CFTR: variants seen among roughly 807,000 people sequenced by gnomAD.
CFTR encodes cystic fibrosis transmembrane conductance regulator.
CFTR carries 181 observed loss-of-function variants against 171.6 expected under a neutral mutation model. The observed-to-expected ratio is 1.05, with a 90% CI of 0.93 to 1.19. CFTR has a LOEUF of 1.19. Ranked by LOEUF, CFTR falls within the 50% of genes most tolerant of loss-of-function variation. CFTR has a pLI of 0.00. For missense variants in CFTR, 1,968 were observed against 1,734.7 expected (o/e 1.13, Z -2.39); for synonymous variants, 583 against 608.0 (o/e 0.96, Z 0.60).
At position 117,522,127 on chromosome 7, in the gene CFTR, C is replaced by T. The variant is rs552665226; in HGVS notation, c.274-8772C>T. Among the ~76,000 whole-genome samples, 16 of 152,304 alleles carry T rather than the reference C, an allele frequency of 1.1e-4. No homozygotes were observed. In the East Asian group the frequency reaches 2.9e-3, roughly 28 times the overall value. ...ATTGTTCCCACCAGGAATGCAATCA[C>T]TTGAGCTGTTTTCTAATCTGAGCCC... On this transcript the variant is annotated intron_variant, in intron 3 of 26. Transcript: ENST00000003084.
At chr7:117,592,907 G>T (rs1463773081) in intron 14 of CFTR, among the ~76,000 whole-genome samples, 1 of 152,168 alleles carries the variant, frequency 6.6e-6, no homozygotes, top group Non-Finnish European at 1.5e-5. Flanking sequence ...CCTCTACTAA[G>T]CCAGTGATAA....
chr7:117,609,536 A>C (rs1175420575), intron 18 of CFTR, among the ~76,000 whole-genome samples: 2 of 152,192 alleles, frequency 1.3e-5, no homozygotes, highest in Non-Finnish European at 2.9e-5. Context: ...CCTTTTAAAA[A>C]TGTATGTATT....
intron 9 of CFTR, among the ~76,000 whole-genome samples, chr7:117,543,341 AG>A (rs1181932466): frequency 6.6e-6 from 1 of 152,224 alleles, no homozygotes; most frequent in Non-Finnish European, 1.5e-5. Flanking sequence ...CTTTGATTTT[AG>A]GAATTTCAAG....
At chr7:117,570,198 A>G (rs1791667621) in intron 11 of CFTR, among the ~76,000 whole-genome samples, 1 of 151,866 alleles carries the variant, frequency 6.6e-6, no homozygotes, top group South Asian at 2.1e-4. Context: ...TTACTTAAAA[A>G]AAAAAAAAAC....
At chr7:117,608,855 A>G (rs1259263817) in intron 18 of CFTR, among the ~76,000 whole-genome samples, 1 of 152,106 alleles carries the variant, frequency 6.6e-6, no homozygotes, top group Non-Finnish European at 1.5e-5. Context: ...TTTTAAAAAA[A>G]AGTCTCTGTT....
At chr7:117,648,092 T>C (rs1230567846) in intron 23 of CFTR, among the ~76,000 whole-genome samples, 1 of 148,326 alleles carries the variant, frequency 6.7e-6, no homozygotes, top group Non-Finnish European at 1.5e-5. Flanking sequence ...TGTATTTATA[T>C]ATATATGTGT....
intron 7 of CFTR, among the ~76,000 whole-genome samples, chr7:117,539,173 C>T (rs572228146): frequency 2.0e-5 from 3 of 152,160 alleles, no homozygotes; most frequent in African/African-American, 7.2e-5. Flanking sequence ...TGGATGGCTT[C>T]GGGAAGACTG....
intron 21 of CFTR, among the ~76,000 whole-genome samples, chr7:117,621,753 AT>A (rs1792584094): frequency 6.6e-6 from 1 of 152,148 alleles, no homozygotes; most frequent in East Asian, 1.9e-4. Flanking sequence ...CTTTTGAAAT[AT>A]TTTCAGTGGA....
At chr7:117,506,778 A>G (rs1185324207) in intron 2 of CFTR, among the ~76,000 whole-genome samples, 1 of 152,232 alleles carries the variant, frequency 6.6e-6, no homozygotes, top group African/African-American at 2.4e-5. Context: ...CTATGCCAGT[A>G]CAAACCCATA....
At chr7:117,606,342 G>T (rs1180091981) in intron 17 of CFTR, among the ~76,000 whole-genome samples, 1 of 152,096 alleles carries the variant, frequency 6.6e-6, no homozygotes. Flanking sequence ...ATGCAAGGTT[G>T]CAAAAGTAAG....
rs772459228 is a variant in CFTR, at chr7:117,509,190, A to T, written c.273+48A>T. On this transcript the variant is annotated intron_variant, in intron 3 of 26. Coordinates refer to ENST00000003084, the MANE Select transcript of CFTR (RefSeq NM_000492.4). ...CATTATGTATCACATAACTATATTC[A>T]TTTTTGTGATTATGAAAAGACTACG... 5 of 1,110,436 alleles carry T rather than the reference A, an allele frequency of 4.5e-6. No homozygotes were observed. In the East Asian group the frequency reaches 9.4e-5, roughly 21 times the overall value. The allele number at this position is 1,110,436 out of a possible 1,614,324, so 68.8% of individuals were successfully genotyped here. A position where few individuals can be genotyped will look rare whatever the true frequency, so the allele number is the denominator to read the frequency against.
intron 10 of CFTR, among the ~76,000 whole-genome samples, chr7:117,557,659 A>C (rs1418191349): frequency 1.3e-5 from 2 of 152,148 alleles, no homozygotes; most frequent in Non-Finnish European, 2.9e-5. Context: ...GCATATGTCT[A>C]ACATGAAAAT....
chr7:117,488,094 A>G (rs1032836811), intron 1 of CFTR, among the ~76,000 whole-genome samples: 4 of 152,136 alleles, frequency 2.6e-5, no homozygotes, highest in Non-Finnish European at 5.9e-5. Flanking sequence ...CCATTGCTAT[A>G]CTTTTTTGTG....
chr7:117,627,615 T>C lies in CFTR; in HGVS notation c.3562T>C (p.Ser1188Pro), dbSNP rs762167681. 1.8e-5 allele frequency: 29 copies of C among 1,613,404 alleles called. No individual in the cohort carries two copies. The highest frequency in any genetic ancestry group is 2.4e-5 in the Non-Finnish European group (28 of 1,179,588). The change falls in exon 22 of 27, where the codon TCG becomes CCG. Residue 1188 changes from serine (S) to proline (P), a missense_variant. Coordinates refer to ENST00000003084, the MANE Select transcript of CFTR (RefSeq NM_000492.4). ...STKPYKNGQL[S>P]KVMIIENSHV... ...CAAACCATACAAGAATGGCCAACTCTCGAAAGTTATGATTATTGAGAATTC... is the reference window on the plus strand; with the variant it reads ...CAAACCATACAAGAATGGCCAACTCCCGAAAGTTATGATTATTGAGAATTC...
chr7:117,500,048 A>G (rs536817132), intron 1 of CFTR, among the ~76,000 whole-genome samples: 30 of 152,256 alleles, frequency 2.0e-4, no homozygotes, highest in African/African-American at 7.0e-4. Flanking sequence ...AAACACCTGG[A>G]TGATCACTGA....
At chr7:117,572,716 C>A (rs1791713443) in intron 11 of CFTR, among the ~76,000 whole-genome samples, 1 of 152,128 alleles carries the variant, frequency 6.6e-6, no homozygotes. Flanking sequence ...GTCCATTTTC[C>A]TTGTGCATAA....
intron 10 of CFTR, among the ~76,000 whole-genome samples, chr7:117,551,666 T>G (rs932158753): frequency 6.6e-6 from 1 of 152,210 alleles, no homozygotes; most frequent in Non-Finnish European, 1.5e-5. Context: ...TTGTAGTTGT[T>G]CTAGTCTACA....
At chr7:117,568,538 A>C (rs1452192703) in intron 11 of CFTR, among the ~76,000 whole-genome samples, 1 of 152,194 alleles carries the variant, frequency 6.6e-6, no homozygotes, top group Non-Finnish European at 1.5e-5. Flanking sequence ...AAGGGGAAAA[A>C]AGATGTCAAA....
chr7:117,490,578 C>CT (rs1284205076), intron 1 of CFTR, among the ~76,000 whole-genome samples: 2 of 151,998 alleles, frequency 1.3e-5, no homozygotes, highest in Non-Finnish European at 2.9e-5. Context: ...GGGCAATCTG[C>CT]TTTAACCAAA....
Sources: gnomAD v4.1 joint callset for allele counts (sites outside exome capture counted in the v4.1 genomes callset) on GRCh38, gnomAD v4.1.1 for gene constraint, MANE v1.5 for transcripts, NCBI Gene and HGNC (gene_info 2026-07-23, HGNC 2026-07-21) for gene names.